Variants in PRKCE observed in about 807,000 individuals in gnomAD.
The protein encoded by PRKCE is protein kinase C epsilon, also known as protein kinase C epsilon type.
A neutral mutation model predicts 85.4 loss-of-function variants in PRKCE; 16 were observed. That is an observed-to-expected ratio of 0.19 (90% CI 0.13 to 0.28). The LOEUF is 0.28. Ranked by LOEUF, PRKCE falls within the 10% of genes least tolerant of loss-of-function variation. PRKCE has a pLI of 1.00. For synonymous variants in PRKCE, 388 were observed against 371.5 expected, an observed-to-expected ratio of 1.04 and a Z score of -0.51; for missense variants, 573 against 975.2, an observed-to-expected ratio of 0.59 and a Z score of 5.49.
At chr2:45,780,383 C>T (rs912380502) in intron 1 of PRKCE, among the ~76,000 whole-genome samples, 2 of 152,010 alleles carry the variant, frequency 1.3e-5, no homozygotes, top group Non-Finnish European at 2.9e-5. Flanking sequence ...TGATTGTATT[C>T]CCATGGTGTC....
In PRKCE at chr2:46,004,290, A is replaced by G. The variant is rs893995142; in HGVS notation, c.967-252A>G. 12 of 434,028 alleles carry G rather than the reference A, an allele frequency of 2.8e-5. No homozygotes were observed. Among genetic ancestry groups the G allele is most frequent in the Middle Eastern group, 6.6e-4 (1 of 1,524 alleles). The allele number at this position is 434,028 out of a possible 1,614,324, so 26.9% of individuals were successfully genotyped here. The stretch of plus-strand genomic sequence containing the variant: ...CAGCTCTTTGGAATGAGGGGAAGAC[A>G]TCATCCTTCTGTGAATGTAGGGAAG... On this transcript the variant is annotated intron_variant, in intron 7 of 14. Transcript: ENST00000306156. The surrounding 1 kb of genome is among the most constrained non-coding windows in gnomAD (Gnocchi z 4.1).
rs1686615125 is a variant in PRKCE at position 45,786,547 on chromosome 2, A to G, written c.349-56453A>G. Among the ~76,000 whole-genome samples, 1 of 152,246 alleles carries G rather than the reference A, an allele frequency of 6.6e-6. No homozygotes were observed. Among genetic ancestry groups the G allele is most frequent in the African/African-American group, 2.4e-5 (1 of 41,474 alleles). On this transcript the variant is annotated intron_variant, in intron 1 of 14. Transcript: ENST00000306156. This position sits in a 1 kb window ranked among gnomAD's most constrained non-coding sequence, Gnocchi z 5.3. The stretch of plus-strand genomic sequence containing the variant: ...CACTTCAACAAGACCTGAAGCAGAC[A>G]GGCCCCACTAACAGGAACAGGACAG...
chr2:46,115,816 G>A (rs955953509), intron 11 of PRKCE, among the ~76,000 whole-genome samples: 12 of 152,288 alleles, frequency 7.9e-5, no homozygotes, highest in Middle Eastern at 3.4e-3. Flanking sequence ...CAGGTACCCC[G>A]GGGAACTCGG....
chr2:45,741,175 T>C (rs1467383533), intron 1 of PRKCE, among the ~76,000 whole-genome samples: 3 of 152,194 alleles, frequency 2.0e-5, no homozygotes, highest in Non-Finnish European at 4.4e-5. Context: ...AAGGAGTCTG[T>C]AATTATGGAA....
intron 1 of PRKCE, among the ~76,000 whole-genome samples, chr2:45,723,026 A>C (rs894024823): frequency 3.3e-5 from 5 of 152,210 alleles, no homozygotes; most frequent in African/African-American, 4.8e-5. Flanking sequence ...ACTTGAACCC[A>C]GGAGGCAGAC....
intron 5 of PRKCE, among the ~76,000 whole-genome samples, chr2:45,981,762 C>T (rs1702907734): frequency 6.6e-6 from 1 of 152,182 alleles, no homozygotes. Flanking sequence ...TGGGTATGTC[C>T]TGTATGACAG....
At chr2:46,115,620 T>A (rs1558471068) in intron 11 of PRKCE, among the ~76,000 whole-genome samples, 1 of 152,312 alleles carries the variant, frequency 6.6e-6, no homozygotes, top group Non-Finnish European at 1.5e-5. Flanking sequence ...GCAGGCCAGA[T>A]TTTGAAAAGA....
intron 11 of PRKCE, among the ~76,000 whole-genome samples, chr2:46,094,569 C>G (rs1385805673): frequency 6.9e-6 from 1 of 144,688 alleles, no homozygotes; most frequent in African/African-American, 2.6e-5. Context: ...CAAGTGGGAG[C>G]TGAACGATGA....
intron 1 of PRKCE, among the ~76,000 whole-genome samples, chr2:45,805,902 A>G (rs931382258): frequency 6.6e-6 from 1 of 152,150 alleles, no homozygotes; most frequent in Non-Finnish European, 1.5e-5. Flanking sequence ...CCCAGCCTAC[A>G]TTACCTTCTT....
At chr2:45,745,928 T>C (rs1180246716) in intron 1 of PRKCE, among the ~76,000 whole-genome samples, 1 of 152,242 alleles carries the variant, frequency 6.6e-6, no homozygotes, top group Non-Finnish European at 1.5e-5. Context: ...TCATTATAGA[T>C]GTCGTCACAA....
chr2:46,003,403 C>T lies in PRKCE; in HGVS notation c.967-1139C>T, dbSNP rs148112562. On this transcript the variant is annotated intron_variant, in intron 7 of 14. Transcript: ENST00000306156. ...CAAAGTGGATATGCCAGCATCTATG[C>T]GAAGGAACAAACCTCACTGGAGGTG... Among the ~76,000 whole-genome samples, 172 of 152,284 alleles carry T rather than the reference C, an allele frequency of 1.1e-3. 1 individual carries two copies. The highest frequency in any genetic ancestry group is 2.1e-3 in the Non-Finnish European group (144 of 68,014).
chr2:46,007,609 G>A lies in PRKCE; in HGVS notation c.1211G>A (p.Gly404Asp). Residue 404 changes from glycine (G) to aspartate (D), a missense_variant, in exon 9 of 15, where the codon GGC becomes GAC. Physicochemically the swap from Gly to Asp is moderately conservative, Grantham distance 94 (BLOSUM62 -1). Around this residue, in one of 11 missense-constraint regions of PRKCE, gnomAD observed 117 missense variants for 104.8 expected, o/e 1.12. Coordinates refer to ENST00000306156, the MANE Select transcript of PRKCE (RefSeq NM_005400.3). ...CGGCAAGGCCAGGCCAAGCGCCTGG[G>A]CCTGGATGAGTTCAACTTCATCAAG... ...EVRQGQAKRL[G>D]LDEFNFIKVL... The A allele has an allele frequency of 6.3e-7, 1 of 1,599,810 alleles. No homozygotes were observed. Among genetic ancestry groups the A allele is most frequent in the South Asian group, 1.1e-5 (1 of 91,088 alleles).
rs745477412 is a variant in PRKCE at position 45,884,954 on chromosome 2, CATATATATATATATAT to C, written c.412+41924_412+41939del. Among the ~76,000 whole-genome samples the C allele has an allele frequency of 1.8e-3, 68 of 37,562 alleles. 1 individual carries two copies. The highest frequency in any genetic ancestry group is 0.013 in the South Asian group (15 of 1,194). The allele number at this position is 37,562 out of a possible 152,430, so 24.6% of individuals were successfully genotyped here. A position where few individuals can be genotyped will look rare whatever the true frequency, so the allele number is the denominator to read the frequency against. ...TGCGTGTGATCTGTTATATGTGATC[CATATATATATATATAT>C]ATATATATATATATATATATATATA... On this transcript the variant is annotated intron_variant, in intron 2 of 14. Coordinates refer to ENST00000306156, the MANE Select transcript of PRKCE (RefSeq NM_005400.3).
chr2:45,920,864 G>A (rs1413961660), intron 2 of PRKCE, among the ~76,000 whole-genome samples: 21 of 152,146 alleles, frequency 1.4e-4, no homozygotes, highest in Admixed American at 1.4e-3. Flanking sequence ...ACTTTACATG[G>A]GTGAATTTAT....
In PRKCE at chr2:45,928,265, T is replaced by C. The variant is rs144810242; in HGVS notation, c.413-48164T>C. On this transcript the variant is annotated intron_variant, in intron 2 of 14. Coordinates refer to ENST00000306156, the MANE Select transcript of PRKCE (RefSeq NM_005400.3). ...AAAGCTATAATGCTTTACATTTGAA[T>C]ATAACTTTATACTTCTTTTTGAGAT... Among the ~76,000 whole-genome samples the C allele has an allele frequency of 6.0e-4, 91 of 152,316 alleles. 1 individual carries two copies. The highest frequency in any genetic ancestry group is 2.1e-3 in the African/African-American group (87 of 41,572).
chr2:46,104,764 A>G (rs1313991724), intron 11 of PRKCE, among the ~76,000 whole-genome samples: 2 of 152,100 alleles, frequency 1.3e-5, no homozygotes, highest in African/African-American at 4.8e-5. Context: ...GGACAATGAA[A>G]CCAATTGTCC....
chr2:45,864,568 G>A (rs1340676619), intron 2 of PRKCE, among the ~76,000 whole-genome samples: 1 of 152,126 alleles, frequency 6.6e-6, no homozygotes, highest in African/African-American at 2.4e-5. Context: ...AGGGCTTAAT[G>A]TCTTACACAT....
chr2:46,017,804 G>A (rs1010083739), intron 10 of PRKCE, among the ~76,000 whole-genome samples: 1 of 152,052 alleles, frequency 6.6e-6, no homozygotes, highest in East Asian at 1.9e-4. Context: ...AGTGATTTGT[G>A]GTCACTCATT....
chr2:45,717,499 C>T (rs1409874484), intron 1 of PRKCE, among the ~76,000 whole-genome samples: 1 of 152,200 alleles, frequency 6.6e-6, no homozygotes, highest in African/African-American at 2.4e-5. Context: ...ACATTGGGTT[C>T]CCCCTAAAGC....
Sources: allele counts gnomAD v4.1 joint callset (sites outside exome capture counted in the v4.1 genomes callset), GRCh38; gene constraint gnomAD v4.1.1; regional missense constraint gnomAD v4.1.1; non-coding constraint Gnocchi (gnomAD v3.1); transcripts MANE v1.5; gene names NCBI Gene and HGNC (gene_info 2026-07-23, HGNC 2026-07-21).